Variants in STAB2 observed in about 807,000 individuals in gnomAD.
STAB2 encodes stabilin 2.
A neutral mutation model predicts 338.1 loss-of-function variants in STAB2; 288 were observed. The ratio of observed to expected loss-of-function variants is 0.85; its 90% CI spans 0.77 to 0.94. The LOEUF (loss-of-function observed/expected upper bound fraction) is 0.94. STAB2 is among the 40% of genes least tolerant of loss of function. The pLI is 0.00. For synonymous variants in STAB2, 1,202 were observed against 1,193.3 expected (o/e 1.01, Z -0.15); for missense variants, 3,141 against 3,210.1 (o/e 0.98, Z 0.52).
chr12:103,695,335 G>A (rs76426814), intron 31 of STAB2, among the ~76,000 whole-genome samples: 1 of 152,170 alleles, frequency 6.6e-6, no homozygotes, highest in Non-Finnish European at 1.5e-5. Flanking sequence ...TAACGGTAAG[G>A]CATAAAATTG....
intron 6 of STAB2, among the ~76,000 whole-genome samples, chr12:103,633,308 A>T (rs2673654): frequency 0.47 from 70,782 of 152,172 alleles, 17,415 homozygotes; most frequent in Non-Finnish European, 0.56. Flanking sequence ...GGACAAAAAT[A>T]TTTAAAATTC....
At chr12:103,640,733 G>A (rs1412834672) in intron 9 of STAB2, among the ~76,000 whole-genome samples, 1 of 152,220 alleles carries the variant, frequency 6.6e-6, no homozygotes, top group African/African-American at 2.4e-5. Flanking sequence ...ACATTTGTGT[G>A]AAAGTTTCTG....
chr12:103,668,550 G>A (rs1397523833), intron 19 of STAB2, 93 bp from the exon 20 acceptor site: 49 of 1,147,522 alleles, frequency 4.3e-5, no homozygotes, highest in Non-Finnish European at 4.4e-5. Flanking sequence ...TGGTGAAATG[G>A]AAGTACAATG....
intron 55 of STAB2, among the ~76,000 whole-genome samples, chr12:103,741,504 A>G (rs1304224976): frequency 6.6e-6 from 1 of 152,166 alleles, no homozygotes; most frequent in African/African-American, 2.4e-5. Flanking sequence ...CCCAGGCTGG[A>G]GTACAGTGGC....
chr12:103,655,349 G>T, intron 14 of STAB2, 42 bp downstream of exon 14: 1 of 1,605,724 alleles, frequency 6.2e-7, no homozygotes, highest in Non-Finnish European at 8.5e-7. Flanking sequence ...TTTATGTCAA[G>T]ACTTTTGTAA....
intron 5 of STAB2, among the ~76,000 whole-genome samples, chr12:103,624,754 A>G (rs970234448): frequency 6.6e-6 from 1 of 152,152 alleles, no homozygotes. Context: ...CCTGGCCAAC[A>G]TGGTGAAACC....
At chr12:103,702,295 T>TA (rs1016780872) in intron 34 of STAB2, among the ~76,000 whole-genome samples, 20 of 17,232 alleles carry the variant, frequency 1.2e-3, no homozygotes, top group Non-Finnish European at 2.8e-3. Context: ...TTATCAGTTA[T>TA]TTTTTTTTTT....
chr12:103,682,829 T>C (rs928460244), intron 25 of STAB2, among the ~76,000 whole-genome samples: 56 of 152,208 alleles, frequency 3.7e-4, no homozygotes, highest in Admixed American at 3.3e-3. Flanking sequence ...GTGCCTGTAA[T>C]CCCAACTACT....
At position 103,692,865 on chromosome 12, in the gene STAB2, T is replaced by C; in HGVS notation, c.3351T>C (p.Asn1117=). The change falls in exon 31 of 69, where the codon AAT becomes AAC. Residue 1117 remains asparagine, a synonymous_variant. Coordinates refer to ENST00000388887, the MANE Select transcript of STAB2 (RefSeq NM_017564.10). The part of the protein sequence containing the change: ...SIVDGDNAAT[N]GVIHIINKVL... Reference sequence around the variant, plus strand: ...TCGATGGGGACAACGCAGCCACAAATGGAGTGATACACATCATCAACAAGG... The same window carrying C: ...TCGATGGGGACAACGCAGCCACAAACGGAGTGATACACATCATCAACAAGG... 1.2e-6 allele frequency: 2 copies of C among 1,613,690 alleles called. No homozygotes were observed. Among genetic ancestry groups the C allele is most frequent in the South Asian group, 1.1e-5 (1 of 91,044 alleles).
Position 103,755,304 on chromosome 12 carries a change from C to T in STAB2, c.6717C>T (p.Ala2239=). 6.2e-7 allele frequency: 1 copy of T among 1,613,852 alleles called. No homozygotes were observed. Among genetic ancestry groups the T allele is most frequent in the Non-Finnish European group, 8.5e-7 (1 of 1,179,982 alleles). Residue 2239 remains alanine (A), a splice_region_variant and synonymous_variant, in exon 62 of 69, where the codon GCC becomes GCT. Coordinates refer to ENST00000388887, the MANE Select transcript of STAB2 (RefSeq NM_017564.10). ...TGGCCCTGTCTGTATCCCTGCAGGC[C>T]AAGTACCACCTGTGCTCAGCAGGCT... The part of the protein sequence containing the change: ...TYNQLSYAQK[A]KYHLCSAGWL...
intron 47 of STAB2, among the ~76,000 whole-genome samples, chr12:103,728,640 C>A (rs1016161898): frequency 2.0e-5 from 3 of 152,188 alleles, no homozygotes; most frequent in African/African-American, 7.2e-5. Flanking sequence ...CACTGATATT[C>A]CACAATGGAG....
At chr12:103,693,627 A>G (rs573628594) in intron 31 of STAB2, among the ~76,000 whole-genome samples, 2 of 152,328 alleles carry the variant, frequency 1.3e-5, no homozygotes, top group African/African-American at 2.4e-5. Context: ...GTGGAAAAGA[A>G]TATAAAAAGC....
intron 67 of STAB2, 66 bp from the exon 68 acceptor site, chr12:103,763,426 C>T (rs1300105274): frequency 6.8e-7 from 1 of 1,467,134 alleles, no homozygotes; most frequent in Non-Finnish European, 9.5e-7. Flanking sequence ...GCTTTACCTG[C>T]CAACTTGGCT....
intron 25 of STAB2, among the ~76,000 whole-genome samples, chr12:103,681,605 C>G (rs1042766087): frequency 2.0e-5 from 3 of 150,258 alleles, no homozygotes; most frequent in Non-Finnish European, 3.0e-5. Flanking sequence ...TCTCCAAATT[C>G]CCCCCTACTT....
intron 5 of STAB2, among the ~76,000 whole-genome samples, chr12:103,631,208 C>A (rs1170066421): frequency 6.6e-6 from 1 of 152,128 alleles, no homozygotes; most frequent in East Asian, 1.9e-4. Context: ...ATATAGATAT[C>A]TGCTACCAAC....
intron 3 of STAB2, among the ~76,000 whole-genome samples, chr12:103,616,839 C>T (rs559282665): frequency 8.5e-5 from 13 of 152,326 alleles, no homozygotes; most frequent in African/African-American, 2.4e-4. Flanking sequence ...TGATGGTGAA[C>T]GATTTATGAA....
chr12:103,609,795 G>T (rs1483618508), intron 3 of STAB2, among the ~76,000 whole-genome samples: 2 of 152,176 alleles, frequency 1.3e-5, no homozygotes, highest in South Asian at 2.1e-4. Flanking sequence ...TCCAGTTTTT[G>T]CCCATTCAGT....
chr12:103,592,960 C>G (rs1217894329), intron 2 of STAB2, among the ~76,000 whole-genome samples: 2 of 152,104 alleles, frequency 1.3e-5, no homozygotes, highest in African/African-American at 4.8e-5. Context: ...GCATGATATC[C>G]TCTAGGTTCA....
In STAB2 at chr12:103,749,025, G is replaced by T; in HGVS notation, c.6307G>T (p.Gly2103Cys). Residue 2103 changes from glycine to cysteine, a missense_variant, in exon 59 of 69, where the codon GGC becomes TGC. Transcript: ENST00000388887. ...AAAGGTGGCCAGATGCTCCCAGAAG[G>T]GCACGAAGGTCTCCTGCAGCTGCCA... ...CAKVARCSQK[G>C]TKVSCSCQKG... 13 of 1,614,074 alleles carry T rather than the reference G, an allele frequency of 8.1e-6. No individual in the cohort carries two copies. The highest frequency in any genetic ancestry group is 1.1e-5 in the Non-Finnish European group (13 of 1,180,010).
Sources: gnomAD v4.1 joint callset for allele counts (sites outside exome capture counted in the v4.1 genomes callset) on GRCh38, gnomAD v4.1.1 for gene constraint, MANE v1.5 for transcripts, NCBI Gene and HGNC (gene_info 2026-07-23, HGNC 2026-07-21) for gene names.